The following NXN variants were observed in gnomAD, a reference collection of about 807,000 sequenced individuals.
NXN encodes nucleoredoxin, also known as nucleoredoxin 1.
A neutral mutation model predicts 48.6 loss-of-function variants in NXN; 16 were observed. The ratio of observed to expected loss-of-function variants is 0.33; its 90% CI spans 0.22 to 0.50. The LOEUF (loss-of-function observed/expected upper bound fraction) is 0.50, where lower values mean the gene tolerates loss of function less well. Ranked by LOEUF, NXN falls within the 20% of genes least tolerant of loss-of-function variation. NXN has a pLI of 0.98. For missense variants in NXN, 492 were observed against 605.5 expected, an observed-to-expected ratio of 0.81 and a Z score of 1.97; for synonymous variants, 281 against 269.6, an observed-to-expected ratio of 1.04 and a Z score of -0.41.
intron 1 of NXN, chr17:842,385 A>G (rs1914377791): frequency 2.8e-6 from 1 of 360,242 alleles, no homozygotes; most frequent in African/African-American, 2.2e-5. Flanking sequence ...AGGCTAAGAA[A>G]TGGAAATGCA....
intron 1 of NXN, among the ~76,000 whole-genome samples, chr17:953,900 C>T (rs948971604): frequency 4.6e-5 from 7 of 152,280 alleles, no homozygotes; most frequent in African/African-American, 1.7e-4. Flanking sequence ...CGTGCCACTG[C>T]ACCCCAGCCT....
rs755811133 is a variant in NXN, at chr17:801,024, C to G, written c.1233G>C (p.Glu411Asp). ...SARAKYVMDV[E>D]EITPAIVEAF... is the part of the protein sequence containing the mutation. ...CCTCCACGATGGCGGGGGTGATCTC[C>G]TCCACGTCCATCACGTACTTGGCCC... The change falls in exon 8 of 8, where the codon GAG becomes GAC. Residue 411 changes from glutamate to aspartate, a missense_variant. This residue lies in a region of NXN where 303 missense variants were observed against 388.3 expected (regional missense o/e 0.78). Transcript: ENST00000336868. The G allele has an allele frequency of 3.1e-5, 49 of 1,573,262 alleles. No individual in the cohort carries two copies. Among genetic ancestry groups the G allele is most frequent in the South Asian group, 4.7e-5 (4 of 85,158 alleles).
rs6598841 is a variant in NXN, at chr17:958,418, A to G, written c.360+20901T>C. ...TCCCAGTGCCTGGGAAGGCTGAAAC[A>G]GGAGGATCGCTTGAGGCCAGGCGTT... is the stretch of plus-strand genomic sequence containing the variant. On this transcript the variant is annotated intron_variant, in intron 1 of 7. Transcript: ENST00000336868. The surrounding 1 kb of genome is among the most constrained non-coding windows in gnomAD (Gnocchi z 6.9). Among the ~76,000 whole-genome samples the G allele has an allele frequency of 0.024, 3,707 of 152,276 alleles. 139 individuals carry two copies. Among genetic ancestry groups the G allele is most frequent in the African/African-American group, 0.084 (3,507 of 41,558 alleles).
chr17:856,484 T>C (rs2067987183), intron 1 of NXN, among the ~76,000 whole-genome samples: 3 of 145,268 alleles, frequency 2.1e-5, no homozygotes, highest in African/African-American at 5.3e-5. Context: ...GCTAAGTACT[T>C]GTCTTTTTTT....
At position 896,340 on chromosome 17, in the gene NXN, CA is replaced by C. The variant is rs34491878; in HGVS notation, c.361-70263del. The stretch of plus-strand genomic sequence containing the variant: ...GGGCAACAAAAGCAAAACTCCATCT[CA>C]AAAAAAAAAAAAAAATTAAGTAAGC... On this transcript the variant is annotated intron_variant, in intron 1 of 7. Coordinates refer to ENST00000336868, the MANE Select transcript of NXN (RefSeq NM_022463.5). 2.4e-3 allele frequency among the ~76,000 whole-genome samples: 317 copies of C among 134,828 alleles called. 1 individual carries two copies. The highest frequency in any genetic ancestry group is 4.5e-3 in the Admixed American group (59 of 13,130). The allele number at this position is 134,828 out of a possible 152,430, so 88.5% of individuals were successfully genotyped here.
intron 1 of NXN, among the ~76,000 whole-genome samples, chr17:957,734 A>G (rs1024501447): frequency 1.3e-5 from 2 of 151,820 alleles, no homozygotes; most frequent in Non-Finnish European, 2.9e-5. Flanking sequence ...CCCGTCAAGG[A>G]GGTCAAACCT....
intron 1 of NXN, among the ~76,000 whole-genome samples, chr17:833,717 C>T (rs1195326838): frequency 6.6e-6 from 1 of 152,116 alleles, no homozygotes; most frequent in African/African-American, 2.4e-5. Context: ...TCTACAGACC[C>T]CAAATGAAGA....
chr17:955,422 G>C (rs559278320), intron 1 of NXN, among the ~76,000 whole-genome samples: 258 of 150,598 alleles, frequency 1.7e-3, no homozygotes, highest in African/African-American at 5.6e-3. Flanking sequence ...CACCCGCCTC[G>C]GCCTCCCGAA....
intron 1 of NXN, among the ~76,000 whole-genome samples, chr17:874,853 G>GA (rs2068197193): frequency 6.6e-6 from 1 of 152,222 alleles, no homozygotes; most frequent in African/African-American, 2.4e-5. Flanking sequence ...TCCTCCATGA[G>GA]AAAACCAGAA....
intron 1 of NXN, among the ~76,000 whole-genome samples, chr17:947,048 C>T (rs2069051833): frequency 6.6e-6 from 1 of 152,170 alleles, no homozygotes; most frequent in African/African-American, 2.4e-5. Context: ...ACGATACACG[C>T]CAGCACTCAG....
At chr17:979,245 A>AACGGGCGTGGGGGGCGGGCAGGGGTG in intron 1 of NXN, 74 bp downstream of exon 1, 2 of 886,632 alleles carry the variant, frequency 2.3e-6, no homozygotes, top group East Asian at 1.2e-4. Context: ...GGGCAGGGGT[A>AACGGGCGTGGGGGGCGGGCAGGGGTG]ACGGGCGTGG....
intron 5 of NXN, among the ~76,000 whole-genome samples, chr17:811,990 A>G (rs192052688): frequency 7.3e-4 from 99 of 134,958 alleles, no homozygotes; most frequent in African/African-American, 1.0e-3. Context: ...TGCAGTGGCA[A>G]GATCTCGGCT....
chr17:848,573 AAC>A (rs1185404355), intron 1 of NXN, among the ~76,000 whole-genome samples: 2 of 152,180 alleles, frequency 1.3e-5, no homozygotes, highest in African/African-American at 4.8e-5. Flanking sequence ...TTTCCATCAA[AAC>A]ACAAAGTCCA....
intron 1 of NXN, among the ~76,000 whole-genome samples, chr17:869,714 G>T (rs990225858): frequency 6.6e-6 from 1 of 152,210 alleles, no homozygotes; most frequent in Non-Finnish European, 1.5e-5. Context: ...GAGTGAGGAG[G>T]GAAGGCGGAC....
intron 7 of NXN, among the ~76,000 whole-genome samples, chr17:802,876 A>G (rs1307896425): frequency 1.4e-5 from 2 of 146,234 alleles, no homozygotes; most frequent in African/African-American, 2.5e-5. Context: ...GCTCTGACCA[A>G]CTGGAGGTAC....
At position 859,921 on chromosome 17, in the gene NXN, C is replaced by T. The variant is rs145174783; in HGVS notation, c.361-33843G>A. ...CTAATGTGTCTCCTCTGGTCATAGC[C>T]GATCCTGAGAACCAGCATCTCAGAC... On this transcript the variant is annotated intron_variant, in intron 1 of 7. Coordinates refer to ENST00000336868, the MANE Select transcript of NXN (RefSeq NM_022463.5). 3.2e-3 allele frequency among the ~76,000 whole-genome samples: 480 copies of T among 152,090 alleles called. 1 individual carries two copies. Among genetic ancestry groups the T allele is most frequent in the African/African-American group, 0.011 (464 of 41,474 alleles).
chr17:850,257 G>A (rs144820223), intron 1 of NXN, among the ~76,000 whole-genome samples: 1 of 152,116 alleles, frequency 6.6e-6, no homozygotes, highest in Non-Finnish European at 1.5e-5. Context: ...ACGAGCCCCA[G>A]GGCCTGGGGA....
intron 1 of NXN, among the ~76,000 whole-genome samples, chr17:883,841 AG>A (rs2144844068): frequency 6.6e-6 from 1 of 152,324 alleles, no homozygotes; most frequent in East Asian, 1.9e-4. Context: ...TGGGAGGCCC[AG>A]GCAGGCGGAT....
At chr17:909,364 T>TA (rs2068612464) in intron 1 of NXN, among the ~76,000 whole-genome samples, 1 of 152,090 alleles carries the variant, frequency 6.6e-6, no homozygotes, top group African/African-American at 2.4e-5. Flanking sequence ...TGGTACCAAA[T>TA]AGAGGAATAG....
Sources: gnomAD v4.1 joint callset for allele counts (sites outside exome capture counted in the v4.1 genomes callset) on GRCh38, gnomAD v4.1.1 for gene constraint, gnomAD v4.1.1 regional missense constraint, Gnocchi (gnomAD v3.1) non-coding constraint, MANE v1.5 for transcripts, NCBI Gene and HGNC (gene_info 2026-07-23, HGNC 2026-07-21) for gene names.